GNA14: variants seen among roughly 807,000 people sequenced by gnomAD.
GNA14 encodes the protein G protein subunit alpha 14.
GNA14 carries 50 observed loss-of-function variants against 42.0 expected under a neutral mutation model. That is an observed-to-expected ratio of 1.19 (90% CI 0.95 to 1.51). The LOEUF (loss-of-function observed/expected upper bound fraction) is 1.51. GNA14 is among the 40% of genes most tolerant of loss of function. The pLI, the probability that GNA14 is intolerant of heterozygous loss-of-function variation, is 0.00. For missense variants in GNA14, 473 were observed against 446.2 expected, an observed-to-expected ratio of 1.06 and a Z score of -0.54; for synonymous variants, 173 against 163.1, an observed-to-expected ratio of 1.06 and a Z score of -0.46.
intron 1 of GNA14, among the ~76,000 whole-genome samples, chr9:77,549,277 A>G (rs551805835): frequency 6.6e-6 from 1 of 152,290 alleles, no homozygotes; most frequent in South Asian, 2.1e-4. Flanking sequence ...GTTCAACACA[A>G]GCCCTCCCAA....
chr9:77,647,787 C>T lies in GNA14; in HGVS notation c.7G>A (p.Gly3Ser), dbSNP rs768290236. 6.2e-7 allele frequency: 1 copy of T among 1,608,556 alleles called. No homozygotes were observed. Among genetic ancestry groups the T allele is most frequent in the South Asian group, 1.1e-5 (1 of 90,366 alleles). MA[G>S]CCCLSAEEKE... ...TCCTCCGCGGACAGGCAGCAGCAGC[C>T]GGCCATGGTGCGCTCAGCTCAGTAC... The change falls in exon 1 of 7, where the codon GGC (glycine) becomes AGC (serine). Residue 3 changes from glycine to serine, a missense_variant. Coordinates refer to ENST00000341700, the MANE Select transcript of GNA14 (RefSeq NM_004297.4).
intron 2 of GNA14, among the ~76,000 whole-genome samples, chr9:77,458,904 AG>A (rs138020529): frequency 2.9e-4 from 39 of 134,386 alleles, no homozygotes; most frequent in East Asian, 8.7e-4. Context: ...CACAAGCTGG[AG>A]GGGGGGGGGT....
intron 2 of GNA14, among the ~76,000 whole-genome samples, chr9:77,514,856 G>A (rs189225551): frequency 7.9e-4 from 120 of 152,178 alleles, no homozygotes; most frequent in South Asian, 1.5e-3. Flanking sequence ...CTTGTGATCC[G>A]CCCACCTCGG....
intron 1 of GNA14, among the ~76,000 whole-genome samples, chr9:77,553,011 T>C (rs1250476617): frequency 6.6e-6 from 1 of 152,134 alleles, no homozygotes; most frequent in Non-Finnish European, 1.5e-5. Context: ...GATCACTCCA[T>C]TTACCTAATG....
intron 2 of GNA14, among the ~76,000 whole-genome samples, chr9:77,491,699 G>A (rs946873134): frequency 2.3e-4 from 35 of 152,182 alleles, no homozygotes; most frequent in African/African-American, 8.4e-4. Context: ...GAGACAGATT[G>A]CAATACAATA....
chr9:77,615,001 G>T (rs1435746857), intron 1 of GNA14, among the ~76,000 whole-genome samples: 1 of 152,154 alleles, frequency 6.6e-6, no homozygotes. Context: ...AAGACCAGGG[G>T]GTTTAAAAGT....
At chr9:77,504,964 G>A (rs776353501) in intron 2 of GNA14, among the ~76,000 whole-genome samples, 2 of 151,972 alleles carry the variant, frequency 1.3e-5, no homozygotes, top group East Asian at 1.9e-4. Context: ...CACCGTGCCC[G>A]GCCTCTAGTT....
chr9:77,427,670 T>TAAGATGA (rs1554685718), intron 5 of GNA14, among the ~76,000 whole-genome samples: 19 of 152,090 alleles, frequency 1.2e-4, no homozygotes, highest in South Asian at 2.1e-4. Context: ...GCTGTGAGGG[T>TAAGATGA]CCTCTTCACT....
chr9:77,591,459 G>C (rs1252281479), intron 1 of GNA14, among the ~76,000 whole-genome samples: 1 of 152,162 alleles, frequency 6.6e-6, no homozygotes, highest in Non-Finnish European at 1.5e-5. Context: ...CCAGGCCTTA[G>C]AATCAAATGT....
intron 1 of GNA14, among the ~76,000 whole-genome samples, chr9:77,583,677 C>G (rs1247863030): frequency 6.6e-6 from 1 of 152,174 alleles, no homozygotes; most frequent in Non-Finnish European, 1.5e-5. Flanking sequence ...CTCTAACCGA[C>G]TCCCCCACTC....
intron 1 of GNA14, among the ~76,000 whole-genome samples, chr9:77,600,812 G>C (rs1167951995): frequency 6.6e-6 from 1 of 152,110 alleles, no homozygotes; most frequent in Non-Finnish European, 1.5e-5. Context: ...CCAGCTACTG[G>C]GGAGGCTGAG....
chr9:77,425,788 T>C (rs969787077), intron 5 of GNA14, 73 bp from the exon 6 acceptor site: 1 of 1,056,498 alleles, frequency 9.5e-7, no homozygotes, highest in Non-Finnish European at 1.4e-6. Flanking sequence ...GCATTGCCAG[T>C]CCATCCATCT....
intron 2 of GNA14, among the ~76,000 whole-genome samples, chr9:77,439,151 CATT>C (rs1238364731): frequency 2.0e-5 from 3 of 152,122 alleles, no homozygotes; most frequent in Admixed American, 6.6e-5. Flanking sequence ...TTAGTCAAGA[CATT>C]ATGAGGATGG....
chr9:77,533,768 C>T (rs1338961438), intron 1 of GNA14, among the ~76,000 whole-genome samples: 2 of 152,144 alleles, frequency 1.3e-5, no homozygotes, highest in African/African-American at 4.8e-5. Flanking sequence ...TTTTCCAGGG[C>T]GGACACTCAA....
intron 1 of GNA14, among the ~76,000 whole-genome samples, chr9:77,557,750 A>G (rs1201024656): frequency 1.3e-5 from 2 of 152,204 alleles, no homozygotes; most frequent in Non-Finnish European, 2.9e-5. Context: ...AGTAACCTTT[A>G]GCATTCATGA....
intron 2 of GNA14, among the ~76,000 whole-genome samples, chr9:77,497,530 C>T (rs1480605890): frequency 1.3e-5 from 2 of 152,180 alleles, no homozygotes; most frequent in Non-Finnish European, 2.9e-5. Flanking sequence ...TCCTCCTTGG[C>T]ACCTTGAGCT....
intron 1 of GNA14, among the ~76,000 whole-genome samples, chr9:77,604,733 C>T (rs891134785): frequency 6.6e-6 from 1 of 152,172 alleles, no homozygotes; most frequent in Non-Finnish European, 1.5e-5. Flanking sequence ...GGTTTCTGCA[C>T]ATGTAGAACA....
chr9:77,463,406 C>A (rs1011817955), intron 2 of GNA14, among the ~76,000 whole-genome samples: 3 of 151,810 alleles, frequency 2.0e-5, no homozygotes, highest in African/African-American at 7.3e-5. Context: ...AAGAAAAAAA[C>A]CAATGTTGTA....
intron 1 of GNA14, among the ~76,000 whole-genome samples, chr9:77,542,611 G>A (rs1564049401): frequency 6.6e-6 from 1 of 152,206 alleles, no homozygotes; most frequent in South Asian, 2.1e-4. Flanking sequence ...GGCAATGGCA[G>A]TAGCAGTGAT....
Sources: gnomAD v4.1 joint callset for allele counts (sites outside exome capture counted in the v4.1 genomes callset) on GRCh38, gnomAD v4.1.1 for gene constraint, MANE v1.5 for transcripts, NCBI Gene and HGNC (gene_info 2026-07-23, HGNC 2026-07-21) for gene names.